SRGAP2B: variants seen among roughly 807,000 people sequenced by gnomAD.
The protein encoded by SRGAP2B is SLIT-ROBO Rho GTPase-activating protein 2B.
In SRGAP2B, 9 loss-of-function variants were observed where a neutral mutation model predicts 22.2. The observed-to-expected ratio is 0.41, with a 90% confidence interval of 0.24 to 0.71. The LOEUF (loss-of-function observed/expected upper bound fraction) is 0.71, where lower values mean the gene tolerates loss of function less well. Among genes scored for constraint, SRGAP2B ranks in the 30% least tolerant of loss-of-function variants. The pLI is 0.35. For missense variants in SRGAP2B, 114 were observed against 235.8 expected, an observed-to-expected ratio of 0.48 and a Z score of 3.38; for synonymous variants, 36 against 87.4, an observed-to-expected ratio of 0.41 and a Z score of 3.28.
At chr1:144,913,095 T>G (rs1663535845) in intron 5 of SRGAP2B, among the ~76,000 whole-genome samples, 1 of 148,174 alleles carries the variant, frequency 6.7e-6, no homozygotes, top group Non-Finnish European at 1.5e-5. Context: ...TTTCACTTAT[T>G]TTTTTTTTTT....
intron 2 of SRGAP2B, among the ~76,000 whole-genome samples, chr1:145,067,384 C>T (rs1384695683): frequency 7.2e-4 from 106 of 146,258 alleles, no homozygotes; most frequent in Middle Eastern, 7.0e-3. Context: ...GGAGGTGCTT[C>T]AACCTTTTGA....
chr1:144,970,210 C>T (rs1457734451), intron 3 of SRGAP2B, among the ~76,000 whole-genome samples: 2 of 136,072 alleles, frequency 1.5e-5, no homozygotes, highest in South Asian at 2.5e-4. Flanking sequence ...ATGTTTATTG[C>T]GGCATTATTC....
chr1:144,985,605 C>T (rs182610782), intron 3 of SRGAP2B, among the ~76,000 whole-genome samples: 47 of 150,766 alleles, frequency 3.1e-4, no homozygotes, highest in South Asian at 1.7e-3. Context: ...GGCTCAGCAA[C>T]GCATAGGAAT....
chr1:144,965,027 GGA>G (rs1481761185), intron 3 of SRGAP2B: 1 of 1,263,602 alleles, frequency 7.9e-7, no homozygotes, highest in Non-Finnish European at 1.2e-6. Context: ...GGAGCAACAT[GGA>G]TAATCTCAGT....
At chr1:144,909,073 G>C (rs1349871429) in intron 5 of SRGAP2B, among the ~76,000 whole-genome samples, 2 of 146,808 alleles carry the variant, frequency 1.4e-5, no homozygotes, top group African/African-American at 5.2e-5. Context: ...GGAAAAAAAA[G>C]GTTCTAAAAT....
At chr1:144,987,904 C>T (rs1260506320) in intron 3 of SRGAP2B, among the ~76,000 whole-genome samples, 1 of 150,940 alleles carries the variant, frequency 6.6e-6, no homozygotes, top group Non-Finnish European at 1.5e-5. Context: ...CATCACTGTA[C>T]TACTAAGATA....
chr1:144,994,546 G>A (rs1477439588), intron 3 of SRGAP2B, among the ~76,000 whole-genome samples: 1 of 31,508 alleles, frequency 3.2e-5, no homozygotes, highest in Non-Finnish European at 6.2e-5. Flanking sequence ...GGGTGTGTGA[G>A]TGTGAGTGTG....
intron 3 of SRGAP2B, among the ~76,000 whole-genome samples, chr1:144,971,417 C>A (rs1182361721): frequency 1.3e-5 from 2 of 150,280 alleles, no homozygotes; most frequent in Admixed American, 6.6e-5. Flanking sequence ...AGGTGTGAAC[C>A]ACCGCACCCG....
intron 4 of SRGAP2B, among the ~76,000 whole-genome samples, chr1:144,924,687 G>A (rs1310075241): frequency 6.8e-6 from 1 of 147,448 alleles, no homozygotes; most frequent in African/African-American, 2.6e-5. Flanking sequence ...AGCCAAGATC[G>A]CACCACTGCA....
At chr1:144,991,559 G>A (rs1670233547) in intron 3 of SRGAP2B, among the ~76,000 whole-genome samples, 5 of 144,196 alleles carry the variant, frequency 3.5e-5, no homozygotes, top group Non-Finnish European at 3.0e-5. Flanking sequence ...TAGCTGCTCT[G>A]GTGAGGATGT....
intron 4 of SRGAP2B, among the ~76,000 whole-genome samples, chr1:144,926,490 AC>A (rs1664737938): frequency 7.5e-6 from 1 of 133,756 alleles, no homozygotes; most frequent in African/African-American, 2.9e-5. Flanking sequence ...CCATTTCCCT[AC>A]CCCCACCCAG....
rs868921675 is a variant in SRGAP2B, at chr1:144,956,800, C to T, written c.261-1199G>A. ...TGTGATCCAAAAGAATTATTGATTA[C>T]CAACTCAGCATTAACTTAAGCAACA... On this transcript the variant is annotated intron_variant, in intron 3 of 9. Coordinates refer to ENST00000612199, the Ensembl canonical transcript of SRGAP2B. 4.6e-4 allele frequency among the ~76,000 whole-genome samples: 68 copies of T among 149,300 alleles called. 2 individuals are homozygous for T. Among genetic ancestry groups the T allele is most frequent in the Admixed American group, 6.0e-4 (9 of 15,018 alleles).
intron 4 of SRGAP2B, among the ~76,000 whole-genome samples, chr1:144,942,605 A>G (rs1303704194): frequency 6.7e-6 from 1 of 149,596 alleles, no homozygotes; most frequent in Non-Finnish European, 1.5e-5. Context: ...TTTTTAGTAG[A>G]GACAGGGTTT....
chr1:144,943,142 G>A (rs2480399), intron 4 of SRGAP2B, among the ~76,000 whole-genome samples: 2 of 133,710 alleles, frequency 1.5e-5, no homozygotes, highest in East Asian at 2.0e-4. Context: ...TAAACAACCA[G>A]ACAAATCTAG....
At chr1:144,951,322 G>A (rs1440460685) in intron 4 of SRGAP2B, among the ~76,000 whole-genome samples, 2 of 139,910 alleles carry the variant, frequency 1.4e-5, no homozygotes, top group African/African-American at 5.7e-5. Flanking sequence ...GCCTACAGGT[G>A]TGTACCACCA....
At chr1:145,020,181 G>A (rs1404805870) in intron 2 of SRGAP2B, among the ~76,000 whole-genome samples, 1 of 143,250 alleles carries the variant, frequency 7.0e-6, no homozygotes, top group Non-Finnish European at 1.5e-5. Context: ...TTAGGAAGCT[G>A]AGGTGGGAGG....
Position 144,976,122 on chromosome 1 carries a change from G to A in SRGAP2B, c.260+18886C>T, listed in dbSNP as rs1356632771. On this transcript the variant is annotated intron_variant, in intron 3 of 9. Coordinates refer to ENST00000612199, the Ensembl canonical transcript of SRGAP2B. ...GTCTTGATCTCCTGACCTCATGATCGGCCCGCCTCGGCCTCCCAAAGTACT... is the reference window on the plus strand; with the variant it reads ...GTCTTGATCTCCTGACCTCATGATCAGCCCGCCTCGGCCTCCCAAAGTACT... Among the ~76,000 whole-genome samples the A allele has an allele frequency of 1.3e-4, 19 of 147,114 alleles. 1 individual carries two copies. The highest frequency in any genetic ancestry group is 2.7e-4 in the Admixed American group (4 of 14,904).
intron 2 of SRGAP2B, among the ~76,000 whole-genome samples, chr1:145,064,400 T>C (rs1651270071): frequency 6.7e-6 from 1 of 148,604 alleles, no homozygotes; most frequent in Admixed American, 6.6e-5. Context: ...AAAGTAAAGA[T>C]GGAGGCCAGG....
chr1:145,068,293 A>G (rs1553632770), intron 2 of SRGAP2B, among the ~76,000 whole-genome samples: 3 of 147,838 alleles, frequency 2.0e-5, no homozygotes, highest in African/African-American at 7.8e-5. Context: ...CTAGCACCAG[A>G]CCAGAGCCTG....
Sources: gnomAD v4.1 joint callset for allele counts (sites outside exome capture counted in the v4.1 genomes callset) on GRCh38, gnomAD v4.1.1 for gene constraint, MANE v1.5 for transcripts, NCBI Gene and HGNC (gene_info 2026-07-23, HGNC 2026-07-21) for gene names.